Variants in ARID1B observed in about 807,000 individuals in gnomAD.
ARID1B encodes the protein AT-rich interactive domain-containing protein 1B.
ARID1B carries 30 observed loss-of-function variants against 212.3 expected under a neutral mutation model. That is an observed-to-expected ratio of 0.14 (90% CI 0.11 to 0.19). The LOEUF is 0.19. Ranked by LOEUF, ARID1B falls within the 10% of genes least tolerant of loss-of-function variation. The probability of loss-of-function intolerance (pLI) is 1.00; values close to 1 mark genes in which losing one functional copy is unlikely to be tolerated. For synonymous variants in ARID1B, 1,402 were observed against 1,301.7 expected (o/e 1.08, Z -1.66); for missense variants, 2,891 against 3,204.0 (o/e 0.90, Z 2.36).
chr6:156,910,573 T>G (rs1277766845), intron 3 of ARID1B, among the ~76,000 whole-genome samples: 1 of 152,238 alleles, frequency 6.6e-6, no homozygotes, highest in Non-Finnish European at 1.5e-5. Context: ...GTTCTCGGTC[T>G]GCTCTCTGGG....
intron 8 of ARID1B, chr6:157,166,316 A>G (rs1324033864): frequency 6.6e-6 from 1 of 152,200 alleles, no homozygotes; most frequent in Non-Finnish European, 1.5e-5. Context: ...AGACAAAACT[A>G]ACAAGACTAA....
intron 4 of ARID1B, among the ~76,000 whole-genome samples, chr6:157,077,719 T>C (rs6941753): frequency 0.14 from 20,565 of 152,216 alleles, 1,689 homozygotes; most frequent in Non-Finnish European, 0.19. Flanking sequence ...TTGTTGTTTG[T>C]GTGGTTTGTC....
intron 2 of ARID1B, among the ~76,000 whole-genome samples, chr6:156,865,261 C>G (rs1410578016): frequency 2.0e-5 from 3 of 152,092 alleles, no homozygotes; most frequent in Non-Finnish European, 2.9e-5. Flanking sequence ...AAGAATGGTT[C>G]AAGAGACCAA....
At chr6:157,104,148 A>G (rs75516505) in intron 5 of ARID1B, among the ~76,000 whole-genome samples, 11,116 of 152,276 alleles carry the variant, frequency 0.073, 487 homozygotes, top group Non-Finnish European at 0.086. Flanking sequence ...CAACTCTGTT[A>G]TTAATATATA....
At chr6:157,158,412 C>T (rs1243734295) in intron 8 of ARID1B, among the ~76,000 whole-genome samples, 3 of 152,168 alleles carry the variant, frequency 2.0e-5, no homozygotes, top group South Asian at 2.1e-4. Flanking sequence ...AATATTGCTG[C>T]AACACAGTGA....
Position 157,201,121 on chromosome 6 carries a change from G to A in ARID1B, c.4896G>A (p.Glu1632=), listed in dbSNP as rs773006123. The A allele has an allele frequency of 1.3e-4, 205 of 1,614,044 alleles. No homozygotes were observed. The highest frequency in any genetic ancestry group is 1.6e-4 in the Non-Finnish European group (191 of 1,180,038). ...MMVPDQRINH[E]SQWPSHVSQR... is the part of the protein sequence containing the mutation. ...TACCCGATCAGAGGATAAATCATGA[G>A]AGCCAGTGGCCTTCTCACGTCAGCC... Residue 1632 remains glutamate, a synonymous_variant, in exon 18 of 20, where the codon GAG becomes GAA. Coordinates refer to ENST00000636930, the MANE Select transcript of ARID1B (RefSeq NM_001374828.1). The surrounding 1 kb of genome is among the most constrained non-coding windows in gnomAD (Gnocchi z 5.2).
At chr6:156,943,963 CCTATT>C (rs1792869617) in intron 4 of ARID1B, 1 of 152,108 alleles carries the variant, frequency 6.6e-6, no homozygotes, top group Non-Finnish European at 1.5e-5. Context: ...GGCTGGGAGA[CCTATT>C]CTAATCGCCA....
intron 8 of ARID1B, among the ~76,000 whole-genome samples, chr6:157,157,437 A>G (rs1231463954): frequency 6.6e-6 from 1 of 152,184 alleles, no homozygotes. Flanking sequence ...AGTGATGCCA[A>G]CCTGCCAGGT....
intron 12 of ARID1B, among the ~76,000 whole-genome samples, chr6:157,183,218 T>A (rs1176508959): frequency 3.9e-5 from 6 of 152,172 alleles, no homozygotes. Flanking sequence ...AGCTTGCCAT[T>A]TCTGAAGTAA....
At chr6:156,976,410 CG>C (rs1777252513) in intron 4 of ARID1B, 1 of 170,432 alleles carries the variant, frequency 5.9e-6, no homozygotes, top group African/African-American at 2.4e-5. Context: ...ACGGATTATG[CG>C]GGGTGGAGTT....
chr6:157,196,265 G>A lies in ARID1B; in HGVS notation c.4332G>A (p.Leu1444=), dbSNP rs756784391. 2.5e-6 allele frequency: 4 copies of A among 1,611,426 alleles called. No homozygotes were observed. The highest frequency in any genetic ancestry group is 1.7e-4 in the Middle Eastern group (1 of 6,060). ...GTCCCTCCGGAGCAATGTCTAACCT[G>A]GGCATGGGGCAGCGCCAGCAGTTTC... ...NQSPSGAMSN[L]GMGQRQQFPY... The change falls in exon 16 of 20, where the codon CTG becomes CTA. Residue 1444 remains leucine, a synonymous_variant. Transcript: ENST00000636930.
At chr6:157,180,352 T>G (rs1002906875) in intron 11 of ARID1B, among the ~76,000 whole-genome samples, 28 of 151,100 alleles carry the variant, frequency 1.9e-4, no homozygotes, top group African/African-American at 6.8e-4. Context: ...AAGCTTTGGT[T>G]GACCCTTAGT....
At chr6:157,102,317 G>A (rs1028177234) in intron 5 of ARID1B, among the ~76,000 whole-genome samples, 2 of 152,100 alleles carry the variant, frequency 1.3e-5, no homozygotes, top group African/African-American at 2.4e-5. Context: ...TTTCTGATCC[G>A]AAAGAGTTGG....
At chr6:157,033,953 G>A (rs549239306) in intron 4 of ARID1B, among the ~76,000 whole-genome samples, 3 of 152,240 alleles carry the variant, frequency 2.0e-5, no homozygotes, top group African/African-American at 7.2e-5. Context: ...AGTGAAACAT[G>A]GGTCTCATCA....
intron 4 of ARID1B, among the ~76,000 whole-genome samples, chr6:157,037,626 G>A (rs1308006806): frequency 6.6e-6 from 1 of 152,158 alleles, no homozygotes; most frequent in Non-Finnish European, 1.5e-5. Flanking sequence ...AGACTGGAGA[G>A]GTTAAAGATA....
intron 2 of ARID1B, among the ~76,000 whole-genome samples, chr6:156,897,196 TGC>T (rs1491236531): frequency 1.4e-5 from 1 of 70,358 alleles, no homozygotes; most frequent in African/African-American, 5.6e-5. Context: ...CTGCTACTGC[TGC>T]TGCTGCTGCT....
rs1035762554 is a variant in ARID1B, at chr6:156,897,674, A to G, written c.1987-3702A>G. ...GTTTTGCAGGTTTTAAAAAATATAT[A>G]TATATATAGTTAGAACTGTGTTCGA... On this transcript the variant is annotated intron_variant, in intron 2 of 19. Transcript: ENST00000636930. Among the ~76,000 whole-genome samples the G allele has an allele frequency of 7.2e-5, 11 of 151,834 alleles. No individual in the cohort carries two copies. In the East Asian group the frequency reaches 1.2e-3, roughly 16 times the overall value.
intron 11 of ARID1B, among the ~76,000 whole-genome samples, chr6:157,179,795 A>AGG (rs1287209384): frequency 1.3e-5 from 2 of 152,232 alleles, no homozygotes; most frequent in Non-Finnish European, 2.9e-5. Context: ...ATCCTTTCTG[A>AGG]GGGACCTACT....
intron 4 of ARID1B, among the ~76,000 whole-genome samples, chr6:157,008,255 C>T (rs1779362751): frequency 6.6e-6 from 1 of 152,204 alleles, no homozygotes; most frequent in Non-Finnish European, 1.5e-5. Context: ...TCACCACCAT[C>T]CATCCATCTC....
Sources: gnomAD v4.1 joint callset for allele counts (sites outside exome capture counted in the v4.1 genomes callset) on GRCh38, gnomAD v4.1.1 for gene constraint, Gnocchi (gnomAD v3.1) non-coding constraint, MANE v1.5 for transcripts, NCBI Gene and HGNC (gene_info 2026-07-23, HGNC 2026-07-21) for gene names.